Variants in SLC4A4 observed in about 807,000 individuals in gnomAD.
The protein encoded by SLC4A4 is electrogenic sodium bicarbonate cotransporter 1.
In SLC4A4, 27 loss-of-function variants were observed where a neutral mutation model predicts 111.5. That is an observed-to-expected ratio of 0.24 (90% CI 0.18 to 0.33). The LOEUF is 0.33. SLC4A4 is among the 10% of genes least tolerant of loss of function. The pLI, the probability that SLC4A4 is intolerant of heterozygous loss-of-function variation, is 1.00. For synonymous variants in SLC4A4, 443 were observed against 463.4 expected, an observed-to-expected ratio of 0.96 and a Z score of 0.57; for missense variants, 909 against 1,315.5, an observed-to-expected ratio of 0.69 and a Z score of 4.78.
In SLC4A4 at chr4:71,472,925, G is replaced by A. The variant is rs565018017; in HGVS notation, c.1858G>A (p.Gly620Ser). ...YYPINSNFKVGYNTLFSCTCV... is the reference protein window; with the variant it reads ...YYPINSNFKVSYNTLFSCTCV... ...CCCCATCAACTCCAACTTCAAAGTGGGCTACAACACTCTCTTTTCCTGTAC... is the reference window on the plus strand; with the variant it reads ...CCCCATCAACTCCAACTTCAAAGTGAGCTACAACACTCTCTTTTCCTGTAC... The change falls in exon 14 of 26, where the codon GGC becomes AGC. Residue 620 changes from glycine to serine, a missense_variant. Coordinates refer to ENST00000264485, the MANE Select transcript of SLC4A4 (RefSeq NM_001098484.3). 2.5e-6 allele frequency: 4 copies of A among 1,612,932 alleles called. No individual in the cohort carries two copies. The South Asian group carries it at 3.3e-5, about 13-fold the overall frequency.
Position 71,451,344 on chromosome 4 carries a change from T to C in SLC4A4, c.1322+43T>C, listed in dbSNP as rs1560520208. 8.1e-6 allele frequency: 10 copies of C among 1,228,626 alleles called. No individual in the cohort carries two copies. The East Asian group carries it at 2.3e-4, about 29-fold the overall frequency. 76.1% of individuals were successfully genotyped at this position (1,228,626 alleles called of 1,614,324 possible). On this transcript the variant is annotated intron_variant, in intron 11 of 25. Transcript: ENST00000264485. Reference sequence around the variant, plus strand: ...TTGCCATTCATGATGAGGTTCTCCTTAAATGTAAATTTCCCTTCATCTATC... The same window carrying C: ...TTGCCATTCATGATGAGGTTCTCCTCAAATGTAAATTTCCCTTCATCTATC...
At chr4:71,146,135 C>T (rs558024932) in intron 2 of SLC4A4, among the ~76,000 whole-genome samples, 1 of 152,184 alleles carries the variant, frequency 6.6e-6, no homozygotes, top group Non-Finnish European at 1.5e-5. Context: ...CCCAGAGATT[C>T]TGGTATGTTG....
At chr4:71,238,880 G>C (rs887593611) in intron 2 of SLC4A4, among the ~76,000 whole-genome samples, 7 of 152,124 alleles carry the variant, frequency 4.6e-5, no homozygotes, top group Non-Finnish European at 7.4e-5. Context: ...GGTTGAAATG[G>C]ACAGGGGTTT....
At chr4:71,346,210 T>G (rs980886911) in intron 4 of SLC4A4, among the ~76,000 whole-genome samples, 9 of 152,248 alleles carry the variant, frequency 5.9e-5, no homozygotes, top group African/African-American at 2.2e-4. Context: ...GAAAATGTCT[T>G]AAACTGCAAA....
At chr4:71,146,167 C>G (rs1329394226) in intron 2 of SLC4A4, among the ~76,000 whole-genome samples, 1 of 152,194 alleles carries the variant, frequency 6.6e-6, no homozygotes, top group Non-Finnish European at 1.5e-5. Flanking sequence ...TCATTGGTTT[C>G]AAAGAACATC....
At position 71,402,460 on chromosome 4, in the gene SLC4A4, C is replaced by CA. The variant is rs1394106199; in HGVS notation, c.807+4814dup. Among the ~76,000 whole-genome samples the CA allele has an allele frequency of 4.6e-5, 7 of 152,168 alleles. No homozygotes were observed. In the South Asian group the frequency reaches 1.5e-3, roughly 32 times the overall value. ...CTCCTTTTCCTTTCCATGGCTCAGT[C>CA]AAAAAAACCTACAGTTCACACTGAA... On this transcript the variant is annotated intron_variant, in intron 7 of 25. Transcript: ENST00000264485.
intron 22 of SLC4A4, 115 bp from the exon 23 acceptor site, chr4:71,559,978 T>C: frequency 1.2e-6 from 1 of 800,516 alleles, no homozygotes; most frequent in Non-Finnish European, 2.2e-6. Flanking sequence ...TCTGTCATAC[T>C]CTATCTAGCC....
chr4:71,528,964 A>G (rs1386648048), intron 16 of SLC4A4, among the ~76,000 whole-genome samples: 1 of 152,114 alleles, frequency 6.6e-6, no homozygotes, highest in Non-Finnish European at 1.5e-5. Flanking sequence ...TTTTTTCTAA[A>G]TATTCTACAA....
chr4:71,134,705 C>T (rs73826350), intron 2 of SLC4A4, among the ~76,000 whole-genome samples: 1,761 of 152,294 alleles, frequency 0.012, 35 homozygotes, highest in African/African-American at 0.038. Flanking sequence ...GCCTCAGTAG[C>T]GCTGAGCTTT....
chr4:71,433,771 A>G (rs1723859488), intron 7 of SLC4A4, among the ~76,000 whole-genome samples: 5 of 152,112 alleles, frequency 3.3e-5, no homozygotes, highest in South Asian at 4.1e-4. Flanking sequence ...ATATTAAACA[A>G]TCTCAAATAT....
chr4:71,163,613 A>G (rs1000476804), intron 2 of SLC4A4, among the ~76,000 whole-genome samples: 4 of 152,254 alleles, frequency 2.6e-5, no homozygotes, highest in South Asian at 4.1e-4. Context: ...AAGACCTAAA[A>G]GATATTTTCA....
chr4:71,547,524 C>G, intron 19 of SLC4A4, 124 bp from the exon 20 acceptor site: 1 of 795,356 alleles, frequency 1.3e-6, no homozygotes, highest in Non-Finnish European at 2.3e-6. Context: ...TACATGATAT[C>G]AACACCTTTG....
chr4:71,515,077 A>T (rs1732260796), intron 16 of SLC4A4, among the ~76,000 whole-genome samples: 1 of 151,582 alleles, frequency 6.6e-6, no homozygotes, highest in South Asian at 2.1e-4. Flanking sequence ...GCATTTTTAG[A>T]TTGTTAACTT....
intron 2 of SLC4A4, among the ~76,000 whole-genome samples, chr4:71,099,650 G>A (rs1357687167): frequency 1.3e-5 from 2 of 152,126 alleles, no homozygotes; most frequent in Non-Finnish European, 2.9e-5. Flanking sequence ...AATGAATCCA[G>A]GAGTTGGTTT....
chr4:71,249,394 G>C (rs1045037162), intron 2 of SLC4A4, among the ~76,000 whole-genome samples: 23 of 151,888 alleles, frequency 1.5e-4, no homozygotes, highest in African/African-American at 5.3e-4. Flanking sequence ...CCCTTGTTCT[G>C]AGTCTGGACC....
intron 2 of SLC4A4, among the ~76,000 whole-genome samples, chr4:71,246,002 C>T (rs1720629777): frequency 6.6e-6 from 1 of 151,928 alleles, no homozygotes; most frequent in Non-Finnish European, 1.5e-5. Flanking sequence ...CTGGATTTGG[C>T]AAAAAGAAGG....
chr4:71,338,504 TTCTC>T (rs900770942), intron 3 of SLC4A4, among the ~76,000 whole-genome samples: 3 of 151,826 alleles, frequency 2.0e-5, no homozygotes, highest in Non-Finnish European at 2.9e-5. Flanking sequence ...CTGCTTTTCT[TTCTC>T]TCTCTCTCTT....
intron 7 of SLC4A4, among the ~76,000 whole-genome samples, chr4:71,432,176 G>A (rs1242428533): frequency 1.3e-5 from 2 of 152,166 alleles, no homozygotes; most frequent in African/African-American, 4.8e-5. Context: ...GATAAGAAGT[G>A]TAGGAGTGTA....
intron 2 of SLC4A4, among the ~76,000 whole-genome samples, chr4:71,116,056 G>A (rs796906256): frequency 5.3e-5 from 8 of 152,166 alleles, no homozygotes; most frequent in African/African-American, 1.9e-4. Context: ...CACGACGCCT[G>A]GCTAATTTTT....
Sources: gnomAD v4.1 joint callset for allele counts (sites outside exome capture counted in the v4.1 genomes callset) on GRCh38, gnomAD v4.1.1 for gene constraint, MANE v1.5 for transcripts, NCBI Gene and HGNC (gene_info 2026-07-23, HGNC 2026-07-21) for gene names.